GRID2: variants seen among roughly 807,000 people sequenced by gnomAD.
GRID2 encodes glutamate ionotropic receptor delta type subunit 2.
Under a neutral mutation model 114.8 loss-of-function variants are expected in GRID2, and 33 were observed. The observed-to-expected ratio is 0.29, with a 90% confidence interval of 0.22 to 0.38. GRID2 has a LOEUF of 0.38. Ranked by LOEUF, GRID2 falls within the 10% of genes least tolerant of loss-of-function variation. GRID2 has a pLI of 1.00. For synonymous variants in GRID2, 505 were observed against 449.9 expected (o/e 1.12, Z -1.55); for missense variants, 1,184 against 1,257.7 (o/e 0.94, Z 0.89).
At chr4:92,980,105 T>C (rs1226734588) in intron 2 of GRID2, among the ~76,000 whole-genome samples, 1 of 152,182 alleles carries the variant, frequency 6.6e-6, no homozygotes, top group Non-Finnish European at 1.5e-5. Context: ...AAATATGATT[T>C]TGCAGCAGCA....
At chr4:92,909,103 G>A (rs1487429742) in intron 2 of GRID2, among the ~76,000 whole-genome samples, 4 of 152,050 alleles carry the variant, frequency 2.6e-5, no homozygotes, top group African/African-American at 7.2e-5. Flanking sequence ...CTTGGTAAGA[G>A]TGATATACCT....
At chr4:93,174,613 C>T (rs1057485589) in intron 4 of GRID2, among the ~76,000 whole-genome samples, 4 of 151,956 alleles carry the variant, frequency 2.6e-5, no homozygotes, top group Non-Finnish European at 4.4e-5. Flanking sequence ...GGACTGTGGG[C>T]CTTAGAAGTA....
At chr4:93,302,714 TG>T in intron 8 of GRID2, 1 of 393,138 alleles carries the variant, frequency 2.5e-6, no homozygotes, top group Non-Finnish European at 5.0e-6. Context: ...CTATTATGCC[TG>T]TTTCCTATTT....
chr4:92,794,874 T>TTATATGTATA (rs1553928474), intron 2 of GRID2, among the ~76,000 whole-genome samples: 17 of 106,034 alleles, frequency 1.6e-4, no homozygotes, highest in African/African-American at 2.1e-4. Context: ...AATAATTGTT[T>TTATATGTATA]TATATATATA....
chr4:92,528,746 C>T (rs1309100946), intron 1 of GRID2, among the ~76,000 whole-genome samples: 1 of 147,404 alleles, frequency 6.8e-6, no homozygotes, highest in Non-Finnish European at 1.5e-5. Context: ...AGGAAGGGGT[C>T]GAACATACTT....
chr4:93,258,924 C>T (rs1749929168), intron 8 of GRID2: 2 of 455,644 alleles, frequency 4.4e-6, no homozygotes, highest in Non-Finnish European at 8.8e-6. Flanking sequence ...CAGGGCTCTA[C>T]TGGGAAAATC....
intron 2 of GRID2, among the ~76,000 whole-genome samples, chr4:92,774,356 G>A (rs554469188): frequency 6.6e-6 from 1 of 152,208 alleles, no homozygotes; most frequent in Admixed American, 6.6e-5. Context: ...AACCTTGTAA[G>A]ATATACTGAA....
chr4:93,765,509 C>T (rs1733579106), intron 14 of GRID2, among the ~76,000 whole-genome samples: 1 of 151,688 alleles, frequency 6.6e-6, no homozygotes, highest in Non-Finnish European at 1.5e-5. Flanking sequence ...TCGATGATCT[C>T]CTATCGCTCA....
chr4:92,919,859 G>T (rs571512070), intron 2 of GRID2, among the ~76,000 whole-genome samples: 1 of 152,128 alleles, frequency 6.6e-6, no homozygotes, highest in Non-Finnish European at 1.5e-5. Context: ...CTGTAGATGT[G>T]TATTAGGTCC....
chr4:93,419,423 A>G (rs1057375360), intron 9 of GRID2, among the ~76,000 whole-genome samples: 14 of 152,012 alleles, frequency 9.2e-5, no homozygotes, highest in East Asian at 1.9e-4. Context: ...TTTCTATTAT[A>G]GTTCCCAAAG....
intron 2 of GRID2, among the ~76,000 whole-genome samples, chr4:92,941,425 C>T (rs529741381): frequency 1.3e-5 from 2 of 152,196 alleles, no homozygotes; most frequent in South Asian, 4.2e-4. Context: ...TCCCCTTTAT[C>T]ATTTTTTATT....
intron 4 of GRID2, among the ~76,000 whole-genome samples, chr4:93,143,641 T>TA (rs965831157): frequency 3.3e-5 from 5 of 152,184 alleles, no homozygotes; most frequent in Non-Finnish European, 5.9e-5. Context: ...TCTTAATTTA[T>TA]AAAAAAATCA....
At chr4:92,667,254 C>T (rs918329949) in intron 2 of GRID2, among the ~76,000 whole-genome samples, 1 of 151,786 alleles carries the variant, frequency 6.6e-6, no homozygotes, top group African/African-American at 2.4e-5. Flanking sequence ...GTGCTTCCTA[C>T]TCCACTGTCT....
At position 92,718,705 on chromosome 4, in the gene GRID2, A is replaced by G. The variant is rs576639316; in HGVS notation, c.244+128419A>G. On this transcript the variant is annotated intron_variant, in intron 2 of 15. Coordinates refer to ENST00000282020, the MANE Select transcript of GRID2 (RefSeq NM_001510.4). ...TTGAACCCAGGTGATTGAGGCTGCA[A>G]TGAGCCATGATAGCACCACTGCCCT... Among the ~76,000 whole-genome samples, 4 of 143,584 alleles carry G rather than the reference A, an allele frequency of 2.8e-5. No homozygotes were observed. The South Asian group carries it at 9.7e-4, about 35-fold the overall frequency. 94.2% of individuals were successfully genotyped at this position (143,584 alleles called of 152,430 possible).
chr4:92,362,922 G>A (rs1295216229), intron 1 of GRID2, among the ~76,000 whole-genome samples: 6 of 152,048 alleles, frequency 3.9e-5, no homozygotes, highest in African/African-American at 1.2e-4. Flanking sequence ...CAAGTTTACA[G>A]TCAATATTCA....
At chr4:93,546,674 C>T (rs1733246880) in intron 13 of GRID2, among the ~76,000 whole-genome samples, 1 of 152,100 alleles carries the variant, frequency 6.6e-6, no homozygotes, top group South Asian at 2.1e-4. Context: ...TAATAGGATA[C>T]ACATGAGGAT....
chr4:92,950,204 G>A lies in GRID2; in HGVS notation c.245-134791G>A, dbSNP rs114021078. Among the ~76,000 whole-genome samples the A allele has an allele frequency of 5.2e-3, 795 of 152,122 alleles. 7 individuals carry two copies. The highest frequency in any genetic ancestry group is 0.018 in the African/African-American group (760 of 41,526). ...TTTCTAAAAAAGCAAAAAGTATTTT[G>A]TCCTCCAGCATTCAAACACCAGGTG... On this transcript the variant is annotated intron_variant, in intron 2 of 15. Coordinates refer to ENST00000282020, the MANE Select transcript of GRID2 (RefSeq NM_001510.4).
At chr4:92,908,063 A>G (rs973279893) in intron 2 of GRID2, among the ~76,000 whole-genome samples, 1 of 152,062 alleles carries the variant, frequency 6.6e-6, no homozygotes. Flanking sequence ...CTTATTATCT[A>G]AAAACACAGT....
intron 12 of GRID2, among the ~76,000 whole-genome samples, chr4:93,512,998 G>GA (rs977977927): frequency 1.5e-4 from 22 of 150,336 alleles, no homozygotes; most frequent in African/African-American, 2.9e-4. Flanking sequence ...TGAAGGCACT[G>GA]AAAAAAAAAC....
Sources: gnomAD v4.1 joint callset for allele counts (sites outside exome capture counted in the v4.1 genomes callset) on GRCh38, gnomAD v4.1.1 for gene constraint, MANE v1.5 for transcripts, NCBI Gene and HGNC (gene_info 2026-07-23, HGNC 2026-07-21) for gene names.